MGAT4C: variants seen among roughly 807,000 people sequenced by gnomAD.
MGAT4C encodes the protein MGAT4 family member C.
MGAT4C carries 19 observed loss-of-function variants against 40.1 expected under a neutral mutation model. The ratio of observed to expected loss-of-function variants is 0.47; its 90% confidence interval spans 0.33 to 0.70. The LOEUF (loss-of-function observed/expected upper bound fraction) is 0.70. Ranked by LOEUF, MGAT4C falls within the 30% of genes least tolerant of loss-of-function variation. The pLI is 0.02. For missense variants in MGAT4C, 491 were observed against 563.2 expected (o/e 0.87, Z 1.30); for synonymous variants, 181 against 187.1 (o/e 0.97, Z 0.27).
At chr12:86,280,524 A>G (rs1176069632) in intron 4 of MGAT4C, among the ~76,000 whole-genome samples, 1 of 152,060 alleles carries the variant, frequency 6.6e-6, no homozygotes, top group Non-Finnish European at 1.5e-5. Context: ...AAGCTTCAAT[A>G]ACAGATTAAT....
chr12:86,144,362 C>T (rs1178792827), intron 1 of MGAT4C, among the ~76,000 whole-genome samples: 3 of 152,126 alleles, frequency 2.0e-5, no homozygotes, highest in Admixed American at 1.3e-4. Context: ...CTAATTGAAA[C>T]TACATTGCTA....
At chr12:86,198,027 G>T (rs1949890741) in intron 1 of MGAT4C, among the ~76,000 whole-genome samples, 1 of 152,170 alleles carries the variant, frequency 6.6e-6, no homozygotes, top group South Asian at 2.1e-4. Context: ...GTAAAGCTCA[G>T]AGCATGGCTC....
At position 85,979,393 on chromosome 12, in the gene MGAT4C, C is replaced by T; in HGVS notation, c.1333G>A (p.Val445Ile). Reference protein sequence around the residue: ...FKNGNFEMSGVNQKIPFDIHC... With the variant: ...FKNGNFEMSGINQKIPFDIHC... Reference sequence around the variant, plus strand: ...ATATCAAATGGAATTTTTTGATTTACACCTGACATTTCAAAGTTTCCATTT... The same window carrying T: ...ATATCAAATGGAATTTTTTGATTTATACCTGACATTTCAAAGTTTCCATTT... Residue 445 changes from valine to isoleucine, a missense_variant, in exon 5 of 5, where the codon GTA (valine) becomes ATA (isoleucine). Val to Ile is a conservative substitution (Grantham distance 29). Coordinates refer to ENST00000611864, the MANE Select transcript of MGAT4C (RefSeq NM_001351288.2). The T allele has an allele frequency of 6.2e-7, 1 of 1,612,942 alleles. No individual in the cohort carries two copies. Among genetic ancestry groups the T allele is most frequent in the East Asian group, 2.2e-5 (1 of 44,828 alleles).
intron 2 of MGAT4C, among the ~76,000 whole-genome samples, chr12:86,646,958 G>A (rs1466789785): frequency 2.0e-5 from 3 of 151,944 alleles, no homozygotes; most frequent in Non-Finnish European, 4.4e-5. Context: ...CATTAGCCAA[G>A]GTGACACAGC....
At chr12:86,671,583 A>T (rs982501187) in intron 2 of MGAT4C, among the ~76,000 whole-genome samples, 1 of 152,236 alleles carries the variant, frequency 6.6e-6, no homozygotes, top group Non-Finnish European at 1.5e-5. Flanking sequence ...AGATACCCAT[A>T]GACTGAAAAC....
chr12:86,351,726 A>C (rs1425000557), intron 3 of MGAT4C, among the ~76,000 whole-genome samples: 1 of 152,036 alleles, frequency 6.6e-6, no homozygotes, highest in Non-Finnish European at 1.5e-5. Flanking sequence ...TAAATATCTG[A>C]CTGGGGAAAT....
At chr12:86,609,753 G>A (rs1295264240) in intron 2 of MGAT4C, among the ~76,000 whole-genome samples, 1 of 149,036 alleles carries the variant, frequency 6.7e-6, no homozygotes, top group African/African-American at 2.5e-5. Flanking sequence ...TGAGAAATAT[G>A]TACAGTTTTA....
chr12:86,400,393 TAAC>T (rs1306029150), intron 3 of MGAT4C, among the ~76,000 whole-genome samples: 2 of 152,198 alleles, frequency 1.3e-5, no homozygotes, highest in African/African-American at 4.8e-5. Flanking sequence ...GGTAAAAACA[TAAC>T]AAAGCTTTGA....
intron 2 of MGAT4C, among the ~76,000 whole-genome samples, chr12:86,658,376 G>A (rs1963899103): frequency 6.6e-6 from 1 of 152,026 alleles, no homozygotes; most frequent in Non-Finnish European, 1.5e-5. Flanking sequence ...CTTCCATTAA[G>A]TTTCAAGAGA....
intron 3 of MGAT4C, among the ~76,000 whole-genome samples, chr12:86,418,101 C>CT (rs1454123318): frequency 6.6e-6 from 1 of 151,902 alleles, no homozygotes; most frequent in Non-Finnish European, 1.5e-5. Context: ...TTTGCACAAA[C>CT]TTTTTTTAGC....
In MGAT4C at chr12:85,963,634, T is replaced by C. The variant is rs1883222998; in HGVS notation, c.*15655A>G. 6.6e-6 allele frequency: 1 copy of C among 152,000 alleles called. No homozygotes were observed. The highest frequency in any genetic ancestry group is 2.4e-5 in the African/African-American group (1 of 41,422). 9.4% of individuals were successfully genotyped at this position (152,000 alleles called of 1,614,324 possible). On this transcript the variant is annotated 3_prime_UTR_variant, in exon 5 of 5. Transcript: ENST00000611864. ...CATGTCCCCAGAATGTAATTATCAA[T>C]GAACAATAGCCATTGAAAAAATCTG...
chr12:86,811,185 A>G (rs1952464581), intron 1 of MGAT4C, among the ~76,000 whole-genome samples: 1 of 151,236 alleles, frequency 6.6e-6, no homozygotes, highest in Non-Finnish European at 1.5e-5. Flanking sequence ...ACAATTTTAG[A>G]TTGGTGATTT....
At chr12:86,830,638 C>T (rs2635066) in intron 1 of MGAT4C, among the ~76,000 whole-genome samples, 5,057 of 151,766 alleles carry the variant, frequency 0.033, 127 homozygotes, top group Non-Finnish European at 0.05. Context: ...TCATGTTTTT[C>T]GAAAGTCAGC....
intron 1 of MGAT4C, among the ~76,000 whole-genome samples, chr12:86,147,608 C>T (rs1883722777): frequency 1.3e-5 from 2 of 152,072 alleles, no homozygotes; most frequent in African/African-American, 4.8e-5. Context: ...AATAACATGT[C>T]TGGGTGAAGT....
intron 2 of MGAT4C, among the ~76,000 whole-genome samples, chr12:86,712,431 C>T (rs1320229917): frequency 6.6e-6 from 1 of 151,942 alleles, no homozygotes; most frequent in Non-Finnish European, 1.5e-5. Flanking sequence ...TTGTATAAGT[C>T]AACAGGAGAA....
At chr12:86,569,554 GA>G (rs1339082621) in intron 2 of MGAT4C, among the ~76,000 whole-genome samples, 1 of 152,072 alleles carries the variant, frequency 6.6e-6, no homozygotes, top group Non-Finnish European at 1.5e-5. Flanking sequence ...AAATGTTGGT[GA>G]AGATGTAAAG....
chr12:86,750,465 T>C (rs554025006), intron 1 of MGAT4C, among the ~76,000 whole-genome samples: 8 of 152,008 alleles, frequency 5.3e-5, no homozygotes, highest in Middle Eastern at 6.8e-3. Flanking sequence ...TCCAAGGCAT[T>C]TGAGTGTGAG....
intron 1 of MGAT4C, among the ~76,000 whole-genome samples, chr12:86,089,711 AT>A (rs961454322): frequency 3.3e-5 from 5 of 150,652 alleles, no homozygotes; most frequent in African/African-American, 1.2e-4. Context: ...ATTAATAACC[AT>A]TTTTTTTGCC....
At chr12:86,557,486 T>A (rs1247378454) in intron 2 of MGAT4C, among the ~76,000 whole-genome samples, 1 of 152,124 alleles carries the variant, frequency 6.6e-6, no homozygotes, top group Non-Finnish European at 1.5e-5. Flanking sequence ...TCTGGATAAG[T>A]ATGCTCCAAT....
Sources: gnomAD v4.1 joint callset for allele counts (sites outside exome capture counted in the v4.1 genomes callset) on GRCh38, gnomAD v4.1.1 for gene constraint, MANE v1.5 for transcripts, NCBI Gene and HGNC (gene_info 2026-07-23, HGNC 2026-07-21) for gene names.